PPP1R16B: variants seen among roughly 807,000 people sequenced by gnomAD.
PPP1R16B encodes protein phosphatase 1 regulatory subunit 16B.
A neutral mutation model predicts 61.7 loss-of-function variants in PPP1R16B; 14 were observed. The observed-to-expected ratio is 0.23, with a 90% CI of 0.15 to 0.35. PPP1R16B has a LOEUF of 0.35. Among genes scored for constraint, PPP1R16B ranks in the 10% least tolerant of loss-of-function variants. The pLI is 1.00. For synonymous variants in PPP1R16B, 266 were observed against 305.3 expected (o/e 0.87, Z 1.34); for missense variants, 547 against 752.5 (o/e 0.73, Z 3.19).
intron 2 of PPP1R16B, among the ~76,000 whole-genome samples, chr20:38,846,799 T>A (rs1408411055): frequency 6.6e-6 from 1 of 151,622 alleles, no homozygotes; most frequent in East Asian, 1.9e-4. Context: ...AGCCCAGGAG[T>A]CCAAGACCAG....
intron 4 of PPP1R16B, among the ~76,000 whole-genome samples, chr20:38,898,109 A>G (rs771024887): frequency 1.3e-5 from 2 of 152,142 alleles, no homozygotes; most frequent in Non-Finnish European, 2.9e-5. Flanking sequence ...TAAGAGTTTT[A>G]TAGTTTTAGG....
chr20:38,870,012 C>A (rs1447509450), intron 2 of PPP1R16B, among the ~76,000 whole-genome samples: 1 of 152,104 alleles, frequency 6.6e-6, no homozygotes, highest in Admixed American at 6.5e-5. Flanking sequence ...CAACCTCCAC[C>A]TCCTGGGTTC....
rs554478505 is a variant in PPP1R16B, at chr20:38,887,469, G to T, written c.251-2126G>T. On this transcript the variant is annotated intron_variant, in intron 2 of 10. Transcript: ENST00000299824. ...TTGTGGACTTTATTCCCAGAGCAAT[G>T]GGGAGCCATGGAAGGATTTTAACAA... is the stretch of plus-strand genomic sequence containing the variant. Among the ~76,000 whole-genome samples the T allele has an allele frequency of 2.6e-5, 4 of 152,244 alleles. No individual in the cohort carries two copies. The South Asian group carries it at 8.3e-4, about 32-fold the overall frequency.
chr20:38,866,674 A>G (rs1485772492), intron 2 of PPP1R16B, among the ~76,000 whole-genome samples: 5 of 152,158 alleles, frequency 3.3e-5, no homozygotes, highest in African/African-American at 1.2e-4. Context: ...CCTGGAGCTC[A>G]GCCTCTGTCT....
chr20:38,810,680 T>C (rs2084695095), intron 1 of PPP1R16B, among the ~76,000 whole-genome samples: 1 of 152,158 alleles, frequency 6.6e-6, no homozygotes, highest in South Asian at 2.1e-4. Context: ...ACCAAGTGCA[T>C]TTCTGGATGC....
At position 38,873,505 on chromosome 20, in the gene PPP1R16B, G is replaced by A. The variant is rs529955290; in HGVS notation, c.251-16090G>A. Among the ~76,000 whole-genome samples the A allele has an allele frequency of 1.4e-4, 21 of 152,252 alleles. No homozygotes were observed. The East Asian group carries it at 3.7e-3, about 27-fold the overall frequency. On this transcript the variant is annotated intron_variant, in intron 2 of 10. Coordinates refer to ENST00000299824, the MANE Select transcript of PPP1R16B (RefSeq NM_015568.4). ...CACAGTTTCTGTGAGTCAGGAACCC[G>A]GGGTCGCTGGGTGGTTTGGGCTCAG...
chr20:38,879,678 G>A (rs1236249338), intron 2 of PPP1R16B, among the ~76,000 whole-genome samples: 1 of 152,176 alleles, frequency 6.6e-6, no homozygotes, highest in Non-Finnish European at 1.5e-5. Flanking sequence ...ATCCTAAAGG[G>A]TGTGCTGTCA....
At chr20:38,843,139 G>C (rs567900486) in intron 2 of PPP1R16B, among the ~76,000 whole-genome samples, 19 of 152,322 alleles carry the variant, frequency 1.2e-4, no homozygotes, top group African/African-American at 4.1e-4. Context: ...TGGTTTAGCT[G>C]GGTTCTATCT....
chr20:38,815,231 A>T (rs971842420), intron 1 of PPP1R16B, among the ~76,000 whole-genome samples: 2 of 152,156 alleles, frequency 1.3e-5, no homozygotes, highest in African/African-American at 4.8e-5. Flanking sequence ...GCATATATAA[A>T]CCCATATTCA....
At chr20:38,815,266 T>C (rs2084727958) in intron 1 of PPP1R16B, among the ~76,000 whole-genome samples, 1 of 152,262 alleles carries the variant, frequency 6.6e-6, no homozygotes, top group African/African-American at 2.4e-5. Flanking sequence ...CATTTTTCTT[T>C]TTAACACAAC....
chr20:38,900,763 A>G, intron 5 of PPP1R16B, 79 bp downstream of exon 5: 1 of 1,145,258 alleles, frequency 8.7e-7, no homozygotes, highest in Non-Finnish European at 1.2e-6. Context: ...GCAGGCGAAC[A>G]GATTAGCTAC....
At chr20:38,853,959 G>A (rs961644090) in intron 2 of PPP1R16B, among the ~76,000 whole-genome samples, 15 of 152,186 alleles carry the variant, frequency 9.9e-5, no homozygotes, top group Non-Finnish European at 1.9e-4. Context: ...AACGGATCAC[G>A]TGGCCAAGCT....
chr20:38,884,088 C>A (rs542702478), intron 2 of PPP1R16B, among the ~76,000 whole-genome samples: 3 of 152,294 alleles, frequency 2.0e-5, no homozygotes, highest in South Asian at 2.1e-4. Flanking sequence ...AATAAGCGTG[C>A]CTTTCTCGTC....
intron 2 of PPP1R16B, among the ~76,000 whole-genome samples, chr20:38,850,820 T>C (rs1033861738): frequency 1.3e-5 from 2 of 151,276 alleles, no homozygotes; most frequent in African/African-American, 4.9e-5. Flanking sequence ...ATACAAAAAA[T>C]AACCAGGTGT....
At chr20:38,812,273 G>T (rs116830195) in intron 1 of PPP1R16B, among the ~76,000 whole-genome samples, 413 of 152,290 alleles carry the variant, frequency 2.7e-3, no homozygotes, top group African/African-American at 9.7e-3. Context: ...AAGTAGGCTG[G>T]GGCAGAGGAG....
chr20:38,860,152 G>A (rs1203198545), intron 2 of PPP1R16B, among the ~76,000 whole-genome samples: 1 of 152,190 alleles, frequency 6.6e-6, no homozygotes, highest in Non-Finnish European at 1.5e-5. Context: ...ATTTTTAGTA[G>A]ACATGGGGTT....
intron 2 of PPP1R16B, among the ~76,000 whole-genome samples, chr20:38,852,981 A>C (rs533328506): frequency 1.2e-4 from 19 of 152,120 alleles, no homozygotes; most frequent in African/African-American, 4.6e-4. Flanking sequence ...CATGTTGGCC[A>C]GGCTGGTCTC....
chr20:38,865,481 G>T (rs1194292889), intron 2 of PPP1R16B, among the ~76,000 whole-genome samples: 1 of 152,004 alleles, frequency 6.6e-6, no homozygotes, highest in Non-Finnish European at 1.5e-5. Context: ...TAGTAGAAAT[G>T]GGGTTTCACC....
At chr20:38,911,570 T>A (rs1170521926) in intron 10 of PPP1R16B, among the ~76,000 whole-genome samples, 1 of 151,814 alleles carries the variant, frequency 6.6e-6, no homozygotes, top group East Asian at 1.9e-4. Context: ...AGAGTCTCGC[T>A]TTGTCACCCA....
Sources: gnomAD v4.1 joint callset for allele counts (sites outside exome capture counted in the v4.1 genomes callset) on GRCh38, gnomAD v4.1.1 for gene constraint, MANE v1.5 for transcripts, NCBI Gene and HGNC (gene_info 2026-07-23, HGNC 2026-07-21) for gene names.